Variants in HDHD2 observed in about 807,000 individuals in gnomAD.
The protein encoded by HDHD2 is haloacid dehalogenase like hydrolase domain containing 2.
In HDHD2, 26 loss-of-function variants were observed where a neutral mutation model predicts 24.8. That is an observed-to-expected ratio of 1.05 (90% CI 0.77 to 1.45). HDHD2 has a LOEUF of 1.45. Among genes scored for constraint, HDHD2 ranks in the 40% most tolerant of loss-of-function variants. HDHD2 has a pLI of 0.00. For missense variants in HDHD2, 299 were observed against 313.4 expected, an observed-to-expected ratio of 0.95 and a Z score of 0.35; for synonymous variants, 128 against 114.9, an observed-to-expected ratio of 1.11 and a Z score of -0.73.
In HDHD2 at chr18:47,136,328, G is replaced by A. The variant is rs2144360763; in HGVS notation, c.101+11C>T. 6.2e-7 allele frequency: 1 copy of A among 1,613,568 alleles called. No homozygotes were observed. Among genetic ancestry groups the A allele is most frequent in the Non-Finnish European group, 8.5e-7 (1 of 1,179,900 alleles). Reference sequence around the variant, plus strand: ...AACATATTTGTCAGCTGAACCTGGAGGATAGCTTGCCTTTTAAGAGCTTCC... The same window carrying A: ...AACATATTTGTCAGCTGAACCTGGAAGATAGCTTGCCTTTTAAGAGCTTCC... On this transcript the variant is annotated intron_variant, in intron 2 of 6. Coordinates refer to ENST00000300605, the MANE Select transcript of HDHD2 (RefSeq NM_032124.5).
In HDHD2 at chr18:47,108,233, T is replaced by G. The variant is rs1207263791; in HGVS notation, c.*449A>C. ...CTCCATTTGGCACATCTGATGGATT[T>G]CACAGTTGAACTCAATATTAGAACT... On this transcript the variant is annotated 3_prime_UTR_variant, in exon 7 of 7. Coordinates refer to ENST00000300605, the MANE Select transcript of HDHD2 (RefSeq NM_032124.5). 1.3e-5 allele frequency: 2 copies of G among 153,290 alleles called. No individual in the cohort carries two copies. The highest frequency in any genetic ancestry group is 4.8e-5 in the African/African-American group (2 of 41,482). 9.5% of individuals were successfully genotyped at this position (153,290 alleles called of 1,614,324 possible).
Position 47,108,545 on chromosome 18 carries a change from A to T in HDHD2, c.*137T>A, listed in dbSNP as rs1599915656. On this transcript the variant is annotated 3_prime_UTR_variant, in exon 7 of 7. Transcript: ENST00000300605. ...CCGCAATTCAATACCTTTCTTTCTA[A>T]TTAATGCACAACAAAAGAGGGTTAA... 1 of 504,456 alleles carries T rather than the reference A, an allele frequency of 2.0e-6. No homozygotes were observed. The highest frequency in any genetic ancestry group is 3.3e-5 in the East Asian group (1 of 30,034). The allele number at this position is 504,456 out of a possible 1,614,324, so 31.2% of individuals were successfully genotyped here. A position where few individuals can be genotyped will look rare whatever the true frequency, so the allele number is the denominator to read the frequency against.
At chr18:47,133,531 T>C (rs2063734137) in intron 3 of HDHD2, among the ~76,000 whole-genome samples, 1 of 144,786 alleles carries the variant, frequency 6.9e-6, no homozygotes, top group Non-Finnish European at 1.5e-5. Flanking sequence ...GTATTTCTAG[T>C]TCTAGATCCT....
intron 6 of HDHD2, chr18:47,111,379 A>AG (rs2063514823): frequency 2.2e-5 from 21 of 974,118 alleles, no homozygotes; most frequent in Middle Eastern, 1.0e-3. Context: ...AAAAAAAAAA[A>AG]AAAGAAAGAA....
rs562808153 is a variant in HDHD2, at chr18:47,112,159, T to C, written c.676+818A>G. 2.4e-4 allele frequency among the ~76,000 whole-genome samples: 37 copies of C among 152,322 alleles called. No homozygotes were observed. The South Asian group carries it at 7.7e-3, about 32-fold the overall frequency. Reference sequence around the variant, plus strand: ...GCTCATTAAGTTCCCAATGCAATAATATTCAGCCCCACTAACAGATCTTAT... The same window carrying C: ...GCTCATTAAGTTCCCAATGCAATAACATTCAGCCCCACTAACAGATCTTAT... On this transcript the variant is annotated intron_variant, in intron 6 of 6. Transcript: ENST00000300605.
intron 6 of HDHD2, chr18:47,110,684 T>C (rs1333284228): frequency 2.0e-6 from 2 of 985,262 alleles, no homozygotes; most frequent in Non-Finnish European, 2.4e-6. Flanking sequence ...TGGAGCTGCC[T>C]GCATTGCTCA....
At chr18:47,132,439 T>C (rs757632925) in intron 3 of HDHD2, among the ~76,000 whole-genome samples, 3 of 152,222 alleles carry the variant, frequency 2.0e-5, no homozygotes, top group East Asian at 1.9e-4. Flanking sequence ...TTTGTATCTA[T>C]ATTTTAGAGA....
intron 4 of HDHD2, among the ~76,000 whole-genome samples, chr18:47,128,900 T>C (rs1487599839): frequency 2.6e-5 from 4 of 152,226 alleles, no homozygotes; most frequent in Non-Finnish European, 4.4e-5. Context: ...CCTATAAACA[T>C]TCTATTTCTG....
chr18:47,111,583 T>TA (rs1044695078), intron 6 of HDHD2: 175 of 985,390 alleles, frequency 1.8e-4, no homozygotes, highest in Middle Eastern at 1.0e-3. Flanking sequence ...ACAGGGCTGT[T>TA]ACGTTCCTGG....
In HDHD2 at chr18:47,115,129, T is replaced by TA. The variant is rs1490490551; in HGVS notation, c.612+2dup. The TA allele has an allele frequency of 1.9e-6, 3 of 1,610,592 alleles. No individual in the cohort carries two copies. The South Asian group carries it at 3.3e-5, about 18-fold the overall frequency. ...GGAGCACCTCCTGGGTTCTTCTACTTACATCTCCTATCATGACAGCCTCCT... is the reference window on the plus strand; with the variant it reads ...GGAGCACCTCCTGGGTTCTTCTACTTAACATCTCCTATCATGACAGCCTCCT... On this transcript the variant is annotated splice_region_variant and intron_variant, in intron 5 of 6. Transcript: ENST00000300605.
At position 47,115,303 on chromosome 18, in the gene HDHD2, C is replaced by T. The variant is rs747799344; in HGVS notation, c.441G>A (p.Arg147=). 2.5e-6 allele frequency: 4 copies of T among 1,613,862 alleles called. No homozygotes were observed. Among genetic ancestry groups the T allele is most frequent in the East Asian group, 4.5e-5 (2 of 44,870 alleles). ...GAPLIAIHKA[R]YYKRKDGLAL... ...CTAAGCCATCTTTCCTCTTGTAATA[C>T]CTGGCTTTGTGGATTGCTATCAGAG... Residue 147 remains arginine (R), a synonymous_variant, in exon 5 of 7, where the codon AGG becomes AGA. Coordinates refer to ENST00000300605, the MANE Select transcript of HDHD2 (RefSeq NM_032124.5).
chr18:47,140,581 T>C (rs2063810860), intron 1 of HDHD2, among the ~76,000 whole-genome samples: 1 of 152,140 alleles, frequency 6.6e-6, no homozygotes, highest in Non-Finnish European at 1.5e-5. Context: ...TGCAGTTGCA[T>C]GATCACAGCT....
intron 4 of HDHD2, among the ~76,000 whole-genome samples, chr18:47,117,441 CTT>C (rs1472914506): frequency 1.3e-5 from 2 of 152,160 alleles, no homozygotes; most frequent in Admixed American, 1.3e-4. Flanking sequence ...CCTTCCCTCT[CTT>C]GTGTGCGTGC....
At chr18:47,142,571 A>C (rs972136547) in intron 1 of HDHD2, among the ~76,000 whole-genome samples, 6 of 152,222 alleles carry the variant, frequency 3.9e-5, no homozygotes, top group African/African-American at 1.4e-4. Context: ...CTCATAAAGA[A>C]AAAACTTGTA....
At chr18:47,145,488 A>T (rs2063860313) in intron 1 of HDHD2, among the ~76,000 whole-genome samples, 1 of 152,236 alleles carries the variant, frequency 6.6e-6, no homozygotes, top group South Asian at 2.1e-4. Context: ...GAAAATTCAT[A>T]TATGATAGAA....
intron 4 of HDHD2, among the ~76,000 whole-genome samples, chr18:47,125,607 C>T (rs1316075207): frequency 6.6e-6 from 1 of 152,084 alleles, no homozygotes; most frequent in Non-Finnish European, 1.5e-5. Flanking sequence ...CTGGTACACG[C>T]AAAAACTTGG....
At chr18:47,127,710 C>CAAAAAAA (rs1235418525) in intron 4 of HDHD2, among the ~76,000 whole-genome samples, 2 of 62,496 alleles carry the variant, frequency 3.2e-5, no homozygotes, top group Non-Finnish European at 3.6e-5. Context: ...GACTTGGTCT[C>CAAAAAAA]AAAAAAAAAA....
At position 47,118,587 on chromosome 18, in the gene HDHD2, C is replaced by T. The variant is rs147401139; in HGVS notation, c.396-3239G>A. ...CACAGACTCCGGCCTGTTGGGACTG[C>T]AGGGGAGGGAGACCATCAGGAAAAA... is the stretch of plus-strand genomic sequence containing the variant. On this transcript the variant is annotated intron_variant, in intron 4 of 6. Coordinates refer to ENST00000300605, the MANE Select transcript of HDHD2 (RefSeq NM_032124.5). Among the ~76,000 whole-genome samples the T allele has an allele frequency of 5.5e-3, 835 of 152,192 alleles. 6 individuals are homozygous for T. The highest frequency in any genetic ancestry group is 7.1e-3 in the Non-Finnish European group (481 of 68,008).
chr18:47,136,351 T>C lies in HDHD2; in HGVS notation c.89A>G (p.Glu30Gly), dbSNP rs1246844613. The C allele has an allele frequency of 6.2e-7, 1 of 1,613,758 alleles. No homozygotes were observed. The highest frequency in any genetic ancestry group is 8.5e-7 in the Non-Finnish European group (1 of 1,180,016). Residue 30 changes from glutamate to glycine, a missense_variant, in exon 2 of 7, where the codon GAA (glutamate) becomes GGA (glycine). By Grantham distance (98) the Glu-to-Gly change is moderately conservative. Coordinates refer to ENST00000300605, the MANE Select transcript of HDHD2 (RefSeq NM_032124.5). ...IEDAAVPGAQEALKRLRGASV... is the reference protein window; with the variant it reads ...IEDAAVPGAQGALKRLRGASV... Reference sequence around the variant, plus strand: ...GAGGATAGCTTGCCTTTTAAGAGCTTCCTGTGCGCCTGGCACAGCTGCATC... The same window carrying C: ...GAGGATAGCTTGCCTTTTAAGAGCTCCCTGTGCGCCTGGCACAGCTGCATC...
Sources: allele counts gnomAD v4.1 joint callset (sites outside exome capture counted in the v4.1 genomes callset), GRCh38; gene constraint gnomAD v4.1.1; transcripts MANE v1.5; gene names NCBI Gene and HGNC (gene_info 2026-07-23, HGNC 2026-07-21).